The following HOXC11 variants were observed in gnomAD, a reference collection of about 807,000 sequenced individuals.
HOXC11 encodes homeobox protein Hox-C11.
Under a neutral mutation model 23.6 loss-of-function variants are expected in HOXC11, and 17 were observed. The ratio of observed to expected loss-of-function variants is 0.72; its 90% CI spans 0.49 to 1.08. HOXC11 has a LOEUF of 1.08. Among genes scored for constraint, HOXC11 ranks in the 50% least tolerant of loss-of-function variants. HOXC11 has a pLI of 0.00. For synonymous variants in HOXC11, 196 were observed against 183.8 expected (o/e 1.07, Z -0.54); for missense variants, 413 against 412.1 (o/e 1.00, Z -0.02).
At chr12:53,975,087 A>G in intron 1 of HOXC11, 94 bp from the exon 2 acceptor site, 1 of 625,552 alleles carries the variant, frequency 1.6e-6, no homozygotes, top group Non-Finnish European at 2.8e-6. Flanking sequence ...GGGCTAGGAG[A>G]AGGGCCGCTG....
chr12:53,974,925 C>A (rs891049353), intron 1 of HOXC11: 2 of 503,212 alleles, frequency 4.0e-6, no homozygotes, highest in Non-Finnish European at 7.0e-6. Context: ...TGTCCCAGAC[C>A]CTGTCAGCCG....
In HOXC11 at chr12:53,973,626, G is replaced by C. The variant is rs202055341; in HGVS notation, c.385G>C (p.Ala129Pro). ...GSYGGHHHPS[A>P]PHATPAGFYS... ...CTACGGCGGCCACCACCACCCCAGC[G>C]CCCCGCACGCAACCCCCGCCGGCTT... Residue 129 changes from alanine (A) to proline (P), a missense_variant, in exon 1 of 2, where the codon GCC (alanine) becomes CCC (proline). Physicochemically the swap from Ala to Pro is conservative, Grantham distance 27. Transcript: ENST00000546378. This position sits in a 1 kb window ranked among gnomAD's most constrained non-coding sequence, Gnocchi z 4.3. 2.5e-6 allele frequency: 4 copies of C among 1,612,826 alleles called. No individual in the cohort carries two copies. In the African/African-American group the frequency reaches 5.4e-5, roughly 22 times the overall value.
chr12:53,973,290 G>A lies in HOXC11; in HGVS notation c.49G>A (p.Glu17Lys). 1 of 1,613,816 alleles carries A rather than the reference G, an allele frequency of 6.2e-7. No homozygotes were observed. Among genetic ancestry groups the A allele is most frequent in the Non-Finnish European group, 8.5e-7 (1 of 1,179,994 alleles). The change falls in exon 1 of 2, where the codon GAG becomes AAG. Residue 17 changes from glutamate (E) to lysine (K), a missense_variant. Glu to Lys is a moderately conservative substitution (Grantham distance 56). Transcript: ENST00000546378. This position sits in a 1 kb window ranked among gnomAD's most constrained non-coding sequence, Gnocchi z 4.3. ...CAACTTCTGCTCTCCGTCGCGCAAGGAGAGGGGCGCAGATTTCGGCGAGCG... is the reference window on the plus strand; with the variant it reads ...CAACTTCTGCTCTCCGTCGCGCAAGAAGAGGGGCGCAGATTTCGGCGAGCG... ...LGNFCSPSRK[E>K]RGADFGERGS...
In HOXC11 at chr12:53,973,136, A is replaced by G. The variant is rs567250610; in HGVS notation, c.-106A>G. On this transcript the variant is annotated 5_prime_UTR_variant, in exon 1 of 2. Transcript: ENST00000546378. This position sits in a 1 kb window ranked among gnomAD's most constrained non-coding sequence, Gnocchi z 4.3. The stretch of plus-strand genomic sequence containing the variant: ...TCTACTTTGGATCACGTGCTCAGAG[A>G]GAGAGAGACTAAGACGGATAACGCG... 3.7e-6 allele frequency: 3 copies of G among 820,308 alleles called. No homozygotes were observed. The highest frequency in any genetic ancestry group is 5.7e-6 in the Non-Finnish European group (3 of 530,062). 50.8% of individuals were successfully genotyped at this position (820,308 alleles called of 1,614,324 possible).
Position 53,977,233 on chromosome 12 carries a change from C to G in HOXC11, c.*1820C>G, listed in dbSNP as rs944092600. On this transcript the variant is annotated 3_prime_UTR_variant, in exon 2 of 2. Transcript: ENST00000546378. The stretch of plus-strand genomic sequence containing the variant: ...GCCCTTGCAGTGCTTTCAGTGAGGG[C>G]ACTTCGTTGGTCTCTGTTTCAAATT... 7 of 152,206 alleles carry G rather than the reference C, an allele frequency of 4.6e-5. No individual in the cohort carries two copies. Among genetic ancestry groups the G allele is most frequent in the African/African-American group, 1.4e-4 (6 of 41,444 alleles). 9.4% of individuals were successfully genotyped at this position (152,206 alleles called of 1,614,324 possible).
rs1046617340 is a variant in HOXC11, at chr12:53,975,821, G to T, written c.*408G>T. On this transcript the variant is annotated 3_prime_UTR_variant, in exon 2 of 2. Transcript: ENST00000546378. ...TTCCCTTGCCCATGTGAAAAGATCCGCTAAGACAGCATGTCTGCCAGCGGA... is the reference window on the plus strand; with the variant it reads ...TTCCCTTGCCCATGTGAAAAGATCCTCTAAGACAGCATGTCTGCCAGCGGA... The T allele has an allele frequency of 1.1e-4, 48 of 435,252 alleles. No individual in the cohort carries two copies. Among genetic ancestry groups the T allele is most frequent in the Admixed American group, 6.5e-4 (16 of 24,804 alleles). 27.0% of individuals were successfully genotyped at this position (435,252 alleles called of 1,614,324 possible). A position where few individuals can be genotyped will look rare whatever the true frequency, so the allele number is the denominator to read the frequency against.
At position 53,977,019 on chromosome 12, in the gene HOXC11, G is replaced by A. The variant is rs1939273797; in HGVS notation, c.*1606G>A. The A allele has an allele frequency of 6.6e-6, 1 of 152,220 alleles. No homozygotes were observed. Among genetic ancestry groups the A allele is most frequent in the South Asian group, 2.1e-4 (1 of 4,824 alleles). The allele number at this position is 152,220 out of a possible 1,614,324, so 9.4% of individuals were successfully genotyped here. ...CTTTCCCTCTGGCACAAATGGCCAG[G>A]CTCTTCCAGACACAACAAGACGCCT... On this transcript the variant is annotated 3_prime_UTR_variant, in exon 2 of 2. Coordinates refer to ENST00000546378, the MANE Select transcript of HOXC11 (RefSeq NM_014212.4).
In HOXC11 at chr12:53,976,867, T is replaced by C. The variant is rs1939270314; in HGVS notation, c.*1454T>C. The C allele has an allele frequency of 3.3e-5, 5 of 150,614 alleles. No individual in the cohort carries two copies. The highest frequency in any genetic ancestry group is 1.3e-4 in the Admixed American group (2 of 15,176). The allele number at this position is 150,614 out of a possible 1,614,324, so 9.3% of individuals were successfully genotyped here. On this transcript the variant is annotated 3_prime_UTR_variant, in exon 2 of 2. Coordinates refer to ENST00000546378, the MANE Select transcript of HOXC11 (RefSeq NM_014212.4). ...GGAGGTTAGGGCTTTTTTTTTTTTTTCTCTAGGAGAAATCTGTATTGGAAT... is the reference window on the plus strand; with the variant it reads ...GGAGGTTAGGGCTTTTTTTTTTTTTCCTCTAGGAGAAATCTGTATTGGAAT...
At chr12:53,974,981 G>C in intron 1 of HOXC11, 200 bp from the exon 2 acceptor site, 1 of 573,248 alleles carries the variant, frequency 1.7e-6, no homozygotes, top group Non-Finnish European at 3.1e-6. Flanking sequence ...AGTGGCGGGG[G>C]GGTGGGGACC....
chr12:53,973,917 G>A lies in HOXC11; in HGVS notation c.676G>A (p.Ala226Thr). The A allele has an allele frequency of 6.9e-7, 1 of 1,440,786 alleles. No homozygotes were observed. Among genetic ancestry groups the A allele is most frequent in the Non-Finnish European group, 9.1e-7 (1 of 1,094,944 alleles). 89.3% of individuals were successfully genotyped at this position (1,440,786 alleles called of 1,614,324 possible). A position where few individuals can be genotyped will look rare whatever the true frequency, so the allele number is the denominator to read the frequency against. ...GGCCAAGGAGCCGGCCAAAGGAGCC[G>A]CCCCCAGTAGGTAGCAGCGGCCGGG... ...SVAKEPAKGAAPNAPRTRKKR... is the reference protein window; with the variant it reads ...SVAKEPAKGATPNAPRTRKKR... Residue 226 changes from alanine to threonine, a missense_variant, in exon 1 of 2, where the codon GCC becomes ACC. Transcript: ENST00000546378. This position sits in a 1 kb window ranked among gnomAD's most constrained non-coding sequence, Gnocchi z 4.3.
rs1440324798 is a variant in HOXC11 at position 53,973,225 on chromosome 12, G to A, written c.-17G>A. Reference sequence around the variant, plus strand: ...GGGTCCAAAACCTCCATCCGGAGCCGGCAGGAGAGGAGAACGATGTTTAAC... The same window carrying A: ...GGGTCCAAAACCTCCATCCGGAGCCAGCAGGAGAGGAGAACGATGTTTAAC... On this transcript the variant is annotated 5_prime_UTR_variant, in exon 1 of 2. Coordinates refer to ENST00000546378, the MANE Select transcript of HOXC11 (RefSeq NM_014212.4). The surrounding 1 kb of genome is among the most constrained non-coding windows in gnomAD (Gnocchi z 4.3). 6.5e-7 allele frequency: 1 copy of A among 1,537,206 alleles called. No homozygotes were observed. The highest frequency in any genetic ancestry group is 8.7e-7 in the Non-Finnish European group (1 of 1,146,376).
At position 53,977,049 on chromosome 12, in the gene HOXC11, T is replaced by TG. The variant is rs1939274409; in HGVS notation, c.*1640dup. 1 of 152,190 alleles carries TG rather than the reference T, an allele frequency of 6.6e-6. No individual in the cohort carries two copies. Among genetic ancestry groups the TG allele is most frequent in the East Asian group, 1.9e-4 (1 of 5,174 alleles). 9.4% of individuals were successfully genotyped at this position (152,190 alleles called of 1,614,324 possible). ...TCCAGACACAACAAGACGCCTATAC[T>TG]GGGGCCACCCTGATGTTTATACATT... is the stretch of plus-strand genomic sequence containing the variant. On this transcript the variant is annotated 3_prime_UTR_variant, in exon 2 of 2. Coordinates refer to ENST00000546378, the MANE Select transcript of HOXC11 (RefSeq NM_014212.4).
Position 53,973,230 on chromosome 12 carries a change from G to A in HOXC11, c.-12G>A, listed in dbSNP as rs1939179196. 2 of 1,549,466 alleles carry A rather than the reference G, an allele frequency of 1.3e-6. No individual in the cohort carries two copies. On this transcript the variant is annotated 5_prime_UTR_variant, in exon 1 of 2. Coordinates refer to ENST00000546378, the MANE Select transcript of HOXC11 (RefSeq NM_014212.4). The surrounding 1 kb of genome is among the most constrained non-coding windows in gnomAD (Gnocchi z 4.3). ...CAAAACCTCCATCCGGAGCCGGCAG[G>A]AGAGGAGAACGATGTTTAACTCGGT...
chr12:53,973,193 C>T lies in HOXC11; in HGVS notation c.-49C>T, dbSNP rs1216887193. On this transcript the variant is annotated 5_prime_UTR_variant, in exon 1 of 2. Transcript: ENST00000546378. This position sits in a 1 kb window ranked among gnomAD's most constrained non-coding sequence, Gnocchi z 4.3. ...CGCCTTCCCAAATTTTCCCCCCTCG[C>T]TAGACCGGGTCCAAAACCTCCATCC... 32 of 1,480,708 alleles carry T rather than the reference C, an allele frequency of 2.2e-5. No individual in the cohort carries two copies. The highest frequency in any genetic ancestry group is 1.9e-4 in the Middle Eastern group (1 of 5,320). The allele number at this position is 1,480,708 out of a possible 1,614,324, so 91.7% of individuals were successfully genotyped here. A position where few individuals can be genotyped will look rare whatever the true frequency, so the allele number is the denominator to read the frequency against.
In HOXC11 at chr12:53,973,796, G is replaced by C; in HGVS notation, c.555G>C (p.Pro185=). 1.3e-6 allele frequency: 2 copies of C among 1,592,048 alleles called. No homozygotes were observed. The highest frequency in any genetic ancestry group is 2.7e-5 in the African/African-American group (2 of 74,032). The change falls in exon 1 of 2, where the codon CCG becomes CCC. Residue 185 remains proline, a synonymous_variant. Transcript: ENST00000546378. This position sits in a 1 kb window ranked among gnomAD's most constrained non-coding sequence, Gnocchi z 4.3. ...GEAKGEPEAP[P]ASGLASRAEA... is the part of the protein sequence containing the mutation. ...CCAAGGGGGAGCCCGAGGCACCCCC[G>C]GCCTCGGGACTGGCGTCCCGGGCTG...
rs1284371943 is a variant in HOXC11, at chr12:53,976,408, C to A, written c.*995C>A. The A allele has an allele frequency of 1.0e-5, 2 of 197,072 alleles. No individual in the cohort carries two copies. Among genetic ancestry groups the A allele is most frequent in the Non-Finnish European group, 2.1e-5 (2 of 94,826 alleles). The allele number at this position is 197,072 out of a possible 1,614,324, so 12.2% of individuals were successfully genotyped here. On this transcript the variant is annotated 3_prime_UTR_variant, in exon 2 of 2. Coordinates refer to ENST00000546378, the MANE Select transcript of HOXC11 (RefSeq NM_014212.4). ...TTTGGTGGCAAATAAAGATAAATTT[C>A]ATTCTGTTCAATATTATGATTTTAT...
Position 53,975,271 on chromosome 12 carries a change from A to G in HOXC11, c.773A>G (p.Asn258Ser), listed in dbSNP as rs147794352. ...EREFFFNVYI[N>S]KEKRLQLSRM... is the part of the protein sequence containing the mutation. ...GAGTTTTTCTTCAACGTGTATATCA[A>G]CAAAGAGAAGCGGCTGCAGCTGTCC... The change falls in exon 2 of 2, where the codon AAC becomes AGC. Residue 258 changes from asparagine to serine, a missense_variant. Physicochemically the swap from Asn to Ser is conservative, Grantham distance 46. Transcript: ENST00000546378. 3.1e-6 allele frequency: 5 copies of G among 1,613,354 alleles called. No individual in the cohort carries two copies. The Admixed American group carries it at 5.0e-5, about 16-fold the overall frequency.
At chr12:53,974,510 C>T (rs1939213795) in intron 1 of HOXC11, among the ~76,000 whole-genome samples, 1 of 152,046 alleles carries the variant, frequency 6.6e-6, no homozygotes, top group South Asian at 2.1e-4. Context: ...AGCAGAAACC[C>T]AAGCAACTCT....
chr12:53,973,482 G>C lies in HOXC11; in HGVS notation c.241G>C (p.Gly81Arg). The C allele has an allele frequency of 1.2e-6, 2 of 1,613,952 alleles. No individual in the cohort carries two copies. The highest frequency in any genetic ancestry group is 1.7e-6 in the Non-Finnish European group (2 of 1,180,000). ...REVSYGLEPS[G>R]KWHHRNSYSS... ...GGTCTCCTACGGCCTGGAGCCATCC[G>C]GCAAGTGGCACCATCGGAACAGCTA... Residue 81 changes from glycine (G) to arginine (R), a missense_variant, in exon 1 of 2, where the codon GGC becomes CGC. Coordinates refer to ENST00000546378, the MANE Select transcript of HOXC11 (RefSeq NM_014212.4). The surrounding 1 kb of genome is among the most constrained non-coding windows in gnomAD (Gnocchi z 4.3).
Sources: gnomAD v4.1 joint callset for allele counts (sites outside exome capture counted in the v4.1 genomes callset) on GRCh38, gnomAD v4.1.1 for gene constraint, Gnocchi (gnomAD v3.1) non-coding constraint, MANE v1.5 for transcripts, NCBI Gene and HGNC (gene_info 2026-07-23, HGNC 2026-07-21) for gene names.